Variants in EML6 observed in about 807,000 individuals in gnomAD.
The protein encoded by EML6 is EMAP like 6.
In EML6, 154 loss-of-function variants were observed where a neutral mutation model predicts 240.1. The ratio of observed to expected loss-of-function variants is 0.64; its 90% CI spans 0.56 to 0.73. The LOEUF (loss-of-function observed/expected upper bound fraction) is 0.73, where lower values mean the gene tolerates loss of function less well. Ranked by LOEUF, EML6 falls within the 30% of genes least tolerant of loss-of-function variation. The probability of loss-of-function intolerance (pLI) is 0.00; values close to 1 mark genes in which losing one functional copy is unlikely to be tolerated. For missense variants in EML6, 2,964 were observed against 2,474.6 expected, an observed-to-expected ratio of 1.20 and a Z score of -4.20; for synonymous variants, 1,148 against 899.0, an observed-to-expected ratio of 1.28 and a Z score of -4.95.
Position 54,844,051 on chromosome 2 carries a change from C to G in EML6, c.852C>G (p.Leu284=), listed in dbSNP as rs1366735146. Residue 284 remains leucine (L), a synonymous_variant, in exon 8 of 42, where the codon CTC becomes CTG. Transcript: ENST00000356458. ...TGTTTTACTTATTTTTGTCAGGCCTCTCTATCCGGAGCGTGTGCTGGAAAG... is the reference window on the plus strand; with the variant it reads ...TGTTTTACTTATTTTTGTCAGGCCTGTCTATCCGGAGCGTGTGCTGGAAAG... ...LRETEQGYKG[L]SIRSVCWKAD... 3.9e-6 allele frequency: 6 copies of G among 1,547,108 alleles called. No homozygotes were observed. The highest frequency in any genetic ancestry group is 5.2e-6 in the Non-Finnish European group (6 of 1,145,126).
chr2:54,746,714 G>C (rs1297951385), intron 2 of EML6, among the ~76,000 whole-genome samples: 1 of 152,090 alleles, frequency 6.6e-6, no homozygotes, highest in Non-Finnish European at 1.5e-5. Context: ...TCTGTTTATA[G>C]GTATTTAATT....
intron 2 of EML6, among the ~76,000 whole-genome samples, chr2:54,776,088 A>G (rs1428141959): frequency 6.6e-6 from 1 of 152,140 alleles, no homozygotes; most frequent in Non-Finnish European, 1.5e-5. Context: ...TATCCTGGTT[A>G]TACCAGCCTC....
At chr2:54,824,304 A>AT (rs1166516182) in intron 5 of EML6, among the ~76,000 whole-genome samples, 1 of 152,154 alleles carries the variant, frequency 6.6e-6, no homozygotes, top group Non-Finnish European at 1.5e-5. Context: ...AGACTTGGAC[A>AT]TTTTTTCTAA....
chr2:54,860,306 C>T (rs998651797), intron 12 of EML6, among the ~76,000 whole-genome samples: 1 of 152,110 alleles, frequency 6.6e-6, no homozygotes, highest in Admixed American at 6.5e-5. Context: ...GTCTCTAGAC[C>T]ATGGGAAAGA....
At chr2:54,828,409 C>G (rs955924125) in intron 6 of EML6, among the ~76,000 whole-genome samples, 1 of 152,096 alleles carries the variant, frequency 6.6e-6, no homozygotes, top group African/African-American at 2.4e-5. Flanking sequence ...TAAAATTGTC[C>G]CTATAAATGG....
chr2:54,875,755 G>A (rs1407910200), intron 16 of EML6, among the ~76,000 whole-genome samples: 1 of 152,210 alleles, frequency 6.6e-6, no homozygotes, highest in Non-Finnish European at 1.5e-5. Flanking sequence ...TTACTGTCTA[G>A]GGGAAGGGGA....
rs558137139 is a variant in EML6 at position 54,971,523 on chromosome 2, T to C, written c.*1428T>C. On this transcript the variant is annotated 3_prime_UTR_variant, in exon 42 of 42. Coordinates refer to ENST00000356458, the MANE Select transcript of EML6 (RefSeq NM_001039753.4). ...AAATGAGGCATTTTCAATTGTAGAA[T>C]AGACTAACATTTACCACAGAAGTGC... 7.2e-5 allele frequency: 11 copies of C among 152,382 alleles called. No homozygotes were observed. The East Asian group carries it at 1.7e-3, about 24-fold the overall frequency. 9.4% of individuals were successfully genotyped at this position (152,382 alleles called of 1,614,324 possible).
intron 2 of EML6, among the ~76,000 whole-genome samples, chr2:54,727,472 A>T (rs1682961274): frequency 1.3e-5 from 2 of 152,250 alleles, no homozygotes; most frequent in South Asian, 4.1e-4. Context: ...TGTCTTACAT[A>T]TGTAAATATC....
At chr2:54,736,903 C>T (rs530302433) in intron 2 of EML6, among the ~76,000 whole-genome samples, 1 of 152,166 alleles carries the variant, frequency 6.6e-6, no homozygotes, top group Non-Finnish European at 1.5e-5. Context: ...GAGGGACATT[C>T]TACAATACAA....
intron 28 of EML6, among the ~76,000 whole-genome samples, chr2:54,934,586 G>A (rs1376621055): frequency 6.6e-6 from 1 of 152,050 alleles, no homozygotes; most frequent in Non-Finnish European, 1.5e-5. Context: ...GTCTGGCTCT[G>A]TTGCCCAGAG....
intron 3 of EML6, among the ~76,000 whole-genome samples, chr2:54,815,488 T>A (rs775476101): frequency 5.3e-5 from 8 of 152,216 alleles, no homozygotes; most frequent in Non-Finnish European, 8.8e-5. Flanking sequence ...TAGGTTTCTT[T>A]CAGCTTTTTC....
chr2:54,829,265 A>G, intron 6 of EML6, 77 bp from the exon 7 acceptor site: 1 of 1,379,268 alleles, frequency 7.3e-7, no homozygotes, highest in African/African-American at 1.5e-5. Context: ...CTATGTTTTT[A>G]AATCAACATT....
intron 16 of EML6, among the ~76,000 whole-genome samples, chr2:54,872,297 T>C (rs1671296008): frequency 6.6e-6 from 1 of 152,190 alleles, no homozygotes; most frequent in African/African-American, 2.4e-5. Context: ...AGAAATTAGA[T>C]CAATAGAAAA....
rs754468191 is a variant in EML6, at chr2:54,894,966, T to C, written c.2794T>C (p.Phe932Leu). The C allele has an allele frequency of 1.3e-6, 2 of 1,551,448 alleles. No individual in the cohort carries two copies. The highest frequency in any genetic ancestry group is 1.7e-6 in the Non-Finnish European group (2 of 1,146,786). ...DGIVELWDDM[F>L]ERCLKTYAIK... ...CATCGTGGAGCTCTGGGATGATATG[T>C]TTGAAAGATGTTTGAAGACTTATGC... The change falls in exon 20 of 42, where the codon TTT becomes CTT. Residue 932 changes from phenylalanine (F) to leucine (L), a missense_variant. Physicochemically the swap from Phe to Leu is conservative, Grantham distance 22 (BLOSUM62 0). Transcript: ENST00000356458.
chr2:54,872,405 A>G (rs979198388), intron 16 of EML6, among the ~76,000 whole-genome samples: 1 of 152,126 alleles, frequency 6.6e-6, no homozygotes. Flanking sequence ...ATTAAATTCC[A>G]TGACTCCACA....
chr2:54,836,498 C>G (rs1427759394), intron 7 of EML6, among the ~76,000 whole-genome samples: 2 of 152,180 alleles, frequency 1.3e-5, no homozygotes, highest in Non-Finnish European at 2.9e-5. Context: ...ACAGGAGCAG[C>G]AGGTCATAGG....
intron 37 of EML6, 95 bp downstream of exon 37, chr2:54,964,253 G>C (rs546475841): frequency 7.9e-6 from 10 of 1,270,668 alleles, no homozygotes; most frequent in South Asian, 7.7e-5. Flanking sequence ...AAAGAACTCA[G>C]TTGTGAGAGG....
intron 17 of EML6, among the ~76,000 whole-genome samples, chr2:54,884,517 C>T (rs1289001795): frequency 1.3e-5 from 2 of 152,182 alleles, no homozygotes; most frequent in Admixed American, 6.5e-5. Flanking sequence ...TTTGGTCTTT[C>T]TGGTGACCCA....
chr2:54,797,240 A>G (rs1481374613), intron 2 of EML6, among the ~76,000 whole-genome samples: 1 of 148,848 alleles, frequency 6.7e-6, no homozygotes, highest in Admixed American at 6.6e-5. Flanking sequence ...ATTTATTATA[A>G]TAAGCCCCAC....
Sources: gnomAD v4.1 joint callset for allele counts (sites outside exome capture counted in the v4.1 genomes callset) on GRCh38, gnomAD v4.1.1 for gene constraint, MANE v1.5 for transcripts, NCBI Gene and HGNC (gene_info 2026-07-23, HGNC 2026-07-21) for gene names.